The following STAG1 variants were observed in gnomAD, a reference collection of about 807,000 sequenced individuals.
STAG1 encodes the protein STAG1 cohesin complex component, also known as cohesin subunit SA-1.
Under a neutral mutation model 170.9 loss-of-function variants are expected in STAG1, and 26 were observed. The observed-to-expected ratio is 0.15, with a 90% CI of 0.11 to 0.21. STAG1 has a LOEUF of 0.21. STAG1 is among the 10% of genes least tolerant of loss of function. STAG1 has a pLI of 1.00. For missense variants in STAG1, 964 were observed against 1,509.5 expected, an observed-to-expected ratio of 0.64 and a Z score of 5.99; for synonymous variants, 514 against 497.7, an observed-to-expected ratio of 1.03 and a Z score of -0.44.
chr3:136,709,238 C>T (rs1010961044), intron 1 of STAG1, among the ~76,000 whole-genome samples: 1 of 151,522 alleles, frequency 6.6e-6, no homozygotes, highest in African/African-American at 2.4e-5. Flanking sequence ...TGAAGTGAGC[C>T]GAGATCATGC....
intron 1 of STAG1, among the ~76,000 whole-genome samples, chr3:136,654,564 GTCTGCAGATTCAATGCAAACCC>G (rs1041573171): frequency 2.0e-5 from 3 of 152,144 alleles, no homozygotes; most frequent in Non-Finnish European, 4.4e-5. Context: ...ACCAAAAGCA[GTCTGCAGATTCAATGCAAACCC>G]TTTCAAAATA....
chr3:136,615,857 A>C (rs565316185), intron 3 of STAG1, among the ~76,000 whole-genome samples: 1 of 152,304 alleles, frequency 6.6e-6, no homozygotes, highest in African/African-American at 2.4e-5. Flanking sequence ...AGAAAAAGAC[A>C]AAGACCAAAG....
At chr3:136,356,497 C>G (rs1287867672) in intron 28 of STAG1, among the ~76,000 whole-genome samples, 1 of 152,112 alleles carries the variant, frequency 6.6e-6, no homozygotes, top group East Asian at 1.9e-4. Context: ...TCTCCGACCT[C>G]AGCCTCCCAA....
intron 1 of STAG1, among the ~76,000 whole-genome samples, chr3:136,713,859 T>C (rs1363404736): frequency 2.7e-5 from 4 of 150,830 alleles, no homozygotes; most frequent in African/African-American, 7.3e-5. Context: ...CTCGTCTCTA[T>C]TAAAAATACA....
intron 13 of STAG1, among the ~76,000 whole-genome samples, chr3:136,462,037 C>CA (rs955031215): frequency 1.3e-5 from 2 of 151,734 alleles, no homozygotes; most frequent in African/African-American, 2.4e-5. Context: ...ATCATAAAGA[C>CA]AAAAAAATAA....
chr3:136,604,323 T>G lies in STAG1; in HGVS notation c.283A>C (p.Lys95Gln). ...TTAAAATTTACCTGCATTGCACTTT[T>G]CCCCAGTTTCACCACCTCAAATAAT... ...VTLFEVVKLGKSAMQSVVDDW... is the reference protein window; with the variant it reads ...VTLFEVVKLGQSAMQSVVDDW... Residue 95 changes from lysine to glutamine, a missense_variant, in exon 4 of 34, where the codon AAA becomes CAA. Physicochemically the swap from Lys to Gln is moderately conservative, Grantham distance 53. Transcript: ENST00000383202. 6.2e-7 allele frequency: 1 copy of G among 1,606,074 alleles called. No individual in the cohort carries two copies. The highest frequency in any genetic ancestry group is 8.5e-7 in the Non-Finnish European group (1 of 1,178,248).
Position 136,468,553 on chromosome 3 carries a change from T to G in STAG1, c.1206-3565A>C, listed in dbSNP as rs184292094. Among the ~76,000 whole-genome samples, 17 of 152,274 alleles carry G rather than the reference T, an allele frequency of 1.1e-4. No individual in the cohort carries two copies. In the East Asian group the frequency reaches 3.1e-3, roughly 28 times the overall value. On this transcript the variant is annotated intron_variant, in intron 12 of 33. Transcript: ENST00000383202. ...CAAAAAAAGTCCAGGACCAGATGGA[T>G]TCACAGTCGAATTCTACCAGAGGTA...
chr3:136,379,133 G>A (rs916062180), intron 22 of STAG1, among the ~76,000 whole-genome samples: 1 of 152,182 alleles, frequency 6.6e-6, no homozygotes, highest in Admixed American at 6.5e-5. Context: ...TCATGTTTCT[G>A]CAGATAAATA....
chr3:136,549,826 T>C (rs1282193591), intron 5 of STAG1, among the ~76,000 whole-genome samples: 1 of 152,178 alleles, frequency 6.6e-6, no homozygotes, highest in Non-Finnish European at 1.5e-5. Flanking sequence ...ATGGCCATTA[T>C]TGTGTTCTAT....
intron 9 of STAG1, among the ~76,000 whole-genome samples, chr3:136,498,925 A>G (rs1933311861): frequency 6.6e-6 from 1 of 152,196 alleles, no homozygotes; most frequent in Non-Finnish European, 1.5e-5. Context: ...AAACAGATAC[A>G]CATACACACA....
intron 23 of STAG1, among the ~76,000 whole-genome samples, chr3:136,375,830 C>T (rs981039075): frequency 4.0e-5 from 6 of 151,200 alleles, no homozygotes; most frequent in South Asian, 2.1e-4. Context: ...ATTAGCCAGG[C>T]GTAGTGGTGG....
At chr3:136,737,540 G>A (rs993970056) in intron 1 of STAG1, among the ~76,000 whole-genome samples, 5 of 152,156 alleles carry the variant, frequency 3.3e-5, no homozygotes, top group Admixed American at 2.6e-4. Context: ...GCCAGGCCTT[G>A]CCTCTGCATT....
chr3:136,490,851 G>A (rs902831823), intron 9 of STAG1, among the ~76,000 whole-genome samples: 2 of 152,278 alleles, frequency 1.3e-5, no homozygotes, highest in African/African-American at 4.8e-5. Context: ...CTCTGAGTAA[G>A]TTTGTCCTTA....
chr3:136,381,107 T>C (rs1937937208), intron 22 of STAG1, among the ~76,000 whole-genome samples: 1 of 151,994 alleles, frequency 6.6e-6, no homozygotes, highest in South Asian at 2.1e-4. Flanking sequence ...ATGATGATTT[T>C]GAGATCCCTA....
At chr3:136,504,354 T>G (rs986182289) in intron 7 of STAG1, among the ~76,000 whole-genome samples, 15 of 152,212 alleles carry the variant, frequency 9.9e-5, no homozygotes, top group Admixed American at 9.8e-4. Flanking sequence ...AAATGGATTT[T>G]TCAGGATTTT....
intron 28 of STAG1, among the ~76,000 whole-genome samples, chr3:136,355,153 G>A (rs1936596833): frequency 6.6e-6 from 1 of 151,738 alleles, no homozygotes; most frequent in Non-Finnish European, 1.5e-5. Flanking sequence ...AAGAGTTCAA[G>A]ACCAGCCTGG....
At chr3:136,419,480 G>C (rs1157309969) in intron 20 of STAG1, among the ~76,000 whole-genome samples, 1 of 151,794 alleles carries the variant, frequency 6.6e-6, no homozygotes, top group African/African-American at 2.4e-5. Flanking sequence ...AGAGAGTCTT[G>C]CTCTGTTGCC....
At chr3:136,702,348 C>T (rs989115885) in intron 1 of STAG1, among the ~76,000 whole-genome samples, 3 of 152,064 alleles carry the variant, frequency 2.0e-5, no homozygotes, top group Admixed American at 1.3e-4. Context: ...TAAGTTAAAT[C>T]CACAAATAAA....
At chr3:136,460,562 A>G (rs2107790803) in intron 13 of STAG1, among the ~76,000 whole-genome samples, 1 of 152,278 alleles carries the variant, frequency 6.6e-6, no homozygotes, top group African/African-American at 2.4e-5. Flanking sequence ...AGACTGTGCC[A>G]TTGTACTCCA....
Sources: gnomAD v4.1 joint callset for allele counts (sites outside exome capture counted in the v4.1 genomes callset) on GRCh38, gnomAD v4.1.1 for gene constraint, MANE v1.5 for transcripts, NCBI Gene and HGNC (gene_info 2026-07-23, HGNC 2026-07-21) for gene names.